Variants in FGD4 observed in about 807,000 individuals in gnomAD.
FGD4 encodes FYVE, RhoGEF and PH domain containing 4, also known as FYVE, RhoGEF and PH domain-containing protein 4.
In FGD4, 42 loss-of-function variants were observed where a neutral mutation model predicts 102.0. That is an observed-to-expected ratio of 0.41 (90% confidence interval 0.32 to 0.53). The LOEUF is 0.53. FGD4 is among the 20% of genes least tolerant of loss of function. FGD4 has a pLI of 0.21. For synonymous variants in FGD4, 380 were observed against 375.7 expected (o/e 1.01, Z -0.13); for missense variants, 902 against 1,078.2 (o/e 0.84, Z 2.29).
intron 1 of FGD4, among the ~76,000 whole-genome samples, chr12:32,408,567 C>T (rs1331834807): frequency 1.3e-5 from 2 of 152,246 alleles, no homozygotes; most frequent in African/African-American, 4.8e-5. Flanking sequence ...CCTCACCATC[C>T]TAGATTTTAA....
intron 1 of FGD4, among the ~76,000 whole-genome samples, chr12:32,519,847 T>C (rs2136727065): frequency 6.6e-6 from 1 of 152,170 alleles, no homozygotes; most frequent in African/African-American, 2.4e-5. Context: ...CTTGGGAGGC[T>C]GAAGCAGGAG....
At chr12:32,638,140 T>C (rs1220559139) in intron 15 of FGD4, among the ~76,000 whole-genome samples, 6 of 152,202 alleles carry the variant, frequency 3.9e-5, no homozygotes, top group Admixed American at 3.9e-4. Flanking sequence ...GGTGGGAGGA[T>C]TGCTTGAGGC....
At chr12:32,409,550 G>A (rs1941113315) in intron 1 of FGD4, among the ~76,000 whole-genome samples, 1 of 150,754 alleles carries the variant, frequency 6.6e-6, no homozygotes, top group Non-Finnish European at 1.5e-5. Context: ...GCTTTCCAAA[G>A]TGCTGGGATT....
At chr12:32,497,642 A>G (rs1380217690) in intron 1 of FGD4, among the ~76,000 whole-genome samples, 2 of 152,184 alleles carry the variant, frequency 1.3e-5, no homozygotes, top group Non-Finnish European at 2.9e-5. Flanking sequence ...GTCAAGAAGG[A>G]GTTTCGGAAA....
chr12:32,604,227 A>G (rs1321655755), intron 7 of FGD4, among the ~76,000 whole-genome samples: 1 of 150,706 alleles, frequency 6.6e-6, no homozygotes, highest in African/African-American at 2.5e-5. Context: ...AGCTTTTTGC[A>G]TTTGTAGATT....
chr12:32,485,988 T>A (rs1943887712), intron 1 of FGD4: 1 of 1,353,834 alleles, frequency 7.4e-7, no homozygotes, highest in African/African-American at 1.5e-5. Context: ...TTCTTTATCA[T>A]GTTGAACACT....
intron 6 of FGD4, 151 bp downstream of exon 6, chr12:32,601,574 A>G (rs752191383): frequency 2.1e-5 from 20 of 953,978 alleles, no homozygotes; most frequent in Non-Finnish European, 2.9e-5. Context: ...TTGTGGTACA[A>G]AGGACTTCAT....
At chr12:32,420,535 G>A (rs1470210968) in intron 1 of FGD4, among the ~76,000 whole-genome samples, 2 of 152,134 alleles carry the variant, frequency 1.3e-5, no homozygotes, top group African/African-American at 4.8e-5. Context: ...GACCCACACA[G>A]TTTTCTGCAT....
chr12:32,532,004 T>C (rs973922518), intron 1 of FGD4, among the ~76,000 whole-genome samples: 2 of 152,218 alleles, frequency 1.3e-5, no homozygotes, highest in African/African-American at 4.8e-5. Context: ...CTTTCATCTA[T>C]AAAGATTAAA....
chr12:32,562,943 G>C (rs1193118802), intron 1 of FGD4, among the ~76,000 whole-genome samples: 1 of 152,176 alleles, frequency 6.6e-6, no homozygotes, highest in Non-Finnish European at 1.5e-5. Context: ...CCTCCCAGAC[G>C]GGGTGGTGGC....
intron 1 of FGD4, among the ~76,000 whole-genome samples, chr12:32,432,145 T>C (rs953871814): frequency 6.7e-6 from 1 of 150,026 alleles, no homozygotes; most frequent in Admixed American, 6.7e-5. Context: ...CTGCAAGCTC[T>C]GCCTCCTGGG....
intron 1 of FGD4, among the ~76,000 whole-genome samples, chr12:32,515,455 A>G (rs762733071): frequency 3.9e-5 from 6 of 152,240 alleles, no homozygotes; most frequent in African/African-American, 7.2e-5. Flanking sequence ...GAGGAAAAGA[A>G]TGAGTCTTAA....
chr12:32,524,539 G>C (rs1191495560), intron 1 of FGD4, among the ~76,000 whole-genome samples: 6 of 120,910 alleles, frequency 5.0e-5, no homozygotes, highest in African/African-American at 1.7e-4. Context: ...AAAAAAAACA[G>C]AAAAAAATAT....
intron 7 of FGD4, among the ~76,000 whole-genome samples, chr12:32,602,909 T>C (rs1948519372): frequency 6.6e-6 from 1 of 152,230 alleles, no homozygotes; most frequent in South Asian, 2.1e-4. Context: ...TTGTGTCATA[T>C]GAATTTTTTT....
At chr12:32,618,330 A>C (rs1010978001) in intron 10 of FGD4, among the ~76,000 whole-genome samples, 1 of 152,184 alleles carries the variant, frequency 6.6e-6, no homozygotes, top group Non-Finnish European at 1.5e-5. Context: ...TCACAGCTTC[A>C]ACCAAATATC....
At chr12:32,624,676 G>A (rs1482555787) in intron 12 of FGD4, 3 of 670,112 alleles carry the variant, frequency 4.5e-6, no homozygotes, top group South Asian at 3.0e-5. Flanking sequence ...GTTTTGCCAT[G>A]CTGCCCAGGC....
intron 1 of FGD4, among the ~76,000 whole-genome samples, chr12:32,503,014 A>G (rs781636970): frequency 1.6e-4 from 25 of 152,190 alleles, no homozygotes; most frequent in Non-Finnish European, 2.8e-4. Flanking sequence ...GAGCAGTAGA[A>G]GGAGATTTGG....
intron 3 of FGD4, among the ~76,000 whole-genome samples, chr12:32,578,813 G>A (rs1326457216): frequency 2.6e-5 from 4 of 151,486 alleles, no homozygotes; most frequent in South Asian, 2.1e-4. Context: ...CCTGGGCGAC[G>A]GAGTGGGACC....
chr12:32,624,904 GT>G, intron 12 of FGD4, 71 bp from the exon 13 acceptor site: 1 of 1,272,904 alleles, frequency 7.9e-7, no homozygotes, highest in Non-Finnish European at 1.1e-6. Flanking sequence ...ATAGATATTT[GT>G]TTGATAAAGT....
Sources: allele counts gnomAD v4.1 joint callset (sites outside exome capture counted in the v4.1 genomes callset), GRCh38; gene constraint gnomAD v4.1.1; transcripts MANE v1.5; gene names NCBI Gene and HGNC (gene_info 2026-07-23, HGNC 2026-07-21).